The following ZNF837 variants were observed in gnomAD, a reference collection of about 807,000 sequenced individuals.
ZNF837 encodes the protein zinc finger protein 837.
For synonymous variants in ZNF837, 475 were observed against 365.2 expected (o/e 1.30, Z -3.43); for missense variants, 955 against 801.7 (o/e 1.19, Z -2.31).
intron 1 of ZNF837, among the ~76,000 whole-genome samples, chr19:58,379,939 G>C (rs1445459273): frequency 6.6e-6 from 1 of 152,134 alleles, no homozygotes; most frequent in African/African-American, 2.4e-5. Flanking sequence ...AGGTTGCAGT[G>C]AGCCGAGATC....
chr19:58,377,660 T>C (rs2052260407), intron 1 of ZNF837, among the ~76,000 whole-genome samples: 1 of 152,016 alleles, frequency 6.6e-6, no homozygotes, highest in Non-Finnish European at 1.5e-5. Context: ...CAAAGAAAAC[T>C]CTTCATTAGA....
Position 58,369,246 on chromosome 19 carries a change from G to T in ZNF837, c.87C>A (p.Pro29=). Residue 29 remains proline, a synonymous_variant, in exon 3 of 3, where the codon CCC becomes CCA. Transcript: ENST00000597582. The part of the protein sequence containing the change: ...QGASGAREKR[P]EEPRPLEEDR... ...CCTCTTCGAGGGGCCTCGGCTCCTCGGGCCTCTTCTCCCGGGCCCCGGAGG... is the reference window on the plus strand; with the variant it reads ...CCTCTTCGAGGGGCCTCGGCTCCTCTGGCCTCTTCTCCCGGGCCCCGGAGG... 3 of 1,418,954 alleles carry T rather than the reference G, an allele frequency of 2.1e-6. No individual in the cohort carries two copies. Among genetic ancestry groups the T allele is most frequent in the East Asian group, 5.6e-5 (2 of 35,848 alleles). 87.9% of individuals were successfully genotyped at this position (1,418,954 alleles called of 1,614,324 possible).
intron 1 of ZNF837, among the ~76,000 whole-genome samples, chr19:58,373,765 G>C (rs1276891304): frequency 6.6e-6 from 1 of 152,238 alleles, no homozygotes; most frequent in Non-Finnish European, 1.5e-5. Context: ...ACAGACACCA[G>C]AGTAGAGGGA....
intron 1 of ZNF837, among the ~76,000 whole-genome samples, chr19:58,377,637 C>CA (rs369592311): frequency 2.6e-5 from 4 of 152,040 alleles, no homozygotes; most frequent in African/African-American, 9.7e-5. Context: ...GACCACATCT[C>CA]AAAAAAAGAA....
intron 1 of ZNF837, among the ~76,000 whole-genome samples, chr19:58,371,207 C>G (rs1436529334): frequency 6.7e-6 from 1 of 148,896 alleles, no homozygotes; most frequent in South Asian, 2.1e-4. Context: ...CGCCACTGCA[C>G]TCCAGCCTGG....
intron 1 of ZNF837, among the ~76,000 whole-genome samples, chr19:58,377,338 C>A (rs2122135303): frequency 6.6e-6 from 1 of 151,954 alleles, no homozygotes; most frequent in East Asian, 1.9e-4. Flanking sequence ...AATCCCGTCT[C>A]TACTAAAAAA....
rs145214890 is a variant in ZNF837 at position 58,368,154 on chromosome 19, G to A, written c.1179C>T (p.Cys393=). 657 of 1,588,934 alleles carry A rather than the reference G, an allele frequency of 4.1e-4. 1 individual carries two copies. In the African/African-American group the frequency reaches 7.8e-3, roughly 19 times the overall value. ...GGTTGAAGGCCTTGCCGCACTCGGG[G>A]CACGCGTAGGGCTTCTCGCCGGTGT... ...RVHTGEKPYA[C]PECGKAFNQR... is the part of the protein sequence containing the mutation. The change falls in exon 3 of 3, where the codon TGC becomes TGT. Residue 393 remains cysteine (C), a synonymous_variant. Coordinates refer to ENST00000597582, the MANE Select transcript of ZNF837 (RefSeq NM_138466.2).
In ZNF837 at chr19:58,367,746, G is replaced by C. The variant is rs770774661; in HGVS notation, c.1587C>G (p.Ala529=). 96 of 1,522,104 alleles carry C rather than the reference G, an allele frequency of 6.3e-5. No individual in the cohort carries two copies. The East Asian group carries it at 2.2e-3, about 35-fold the overall frequency. The allele number at this position is 1,522,104 out of a possible 1,614,324, so 94.3% of individuals were successfully genotyped here. The change falls in exon 3 of 3, where the codon GCC becomes GCG. Residue 529 remains alanine, a synonymous_variant. Transcript: ENST00000597582. The stretch of plus-strand genomic sequence containing the variant: ...TCTCGGCTCCCTGCAGTCAAGGCGC[G>C]GCGCGGCCCCCGTGCCGCTTCCGGT... ...NEHRKRHGGR[A]AP is the part of the protein sequence containing the mutation.
chr19:58,371,038 G>A (rs1431662573), intron 1 of ZNF837, among the ~76,000 whole-genome samples: 1 of 151,934 alleles, frequency 6.6e-6, no homozygotes, highest in Non-Finnish European at 1.5e-5. Context: ...TCAGGAGATC[G>A]ATACCATCCT....
chr19:58,377,831 G>C (rs1260167507), intron 1 of ZNF837, among the ~76,000 whole-genome samples: 1 of 152,192 alleles, frequency 6.6e-6, no homozygotes, highest in African/African-American at 2.4e-5. Context: ...TGGTCTGTCT[G>C]ACCATGGAGC....
intron 1 of ZNF837, among the ~76,000 whole-genome samples, chr19:58,373,856 C>T (rs112544239): frequency 3.3e-5 from 5 of 152,206 alleles, no homozygotes; most frequent in Admixed American, 6.5e-5. Flanking sequence ...ATGTGGAGTA[C>T]GGACTCACTG....
At chr19:58,370,148 C>A (rs896620705) in intron 1 of ZNF837, among the ~76,000 whole-genome samples, 1 of 152,230 alleles carries the variant, frequency 6.6e-6, no homozygotes, top group African/African-American at 2.4e-5. Context: ...TCTCAGAGTT[C>A]TGGAGGTCGT....
At chr19:58,375,270 G>GTGTA (rs2052232989) in intron 1 of ZNF837, among the ~76,000 whole-genome samples, 1 of 34,856 alleles carries the variant, frequency 2.9e-5, no homozygotes, top group Admixed American at 2.3e-4. Context: ...AAAAAAAAAA[G>GTGTA]TATATATATA....
At chr19:58,380,377 G>C (rs1391784813) in intron 1 of ZNF837, among the ~76,000 whole-genome samples, 1 of 152,216 alleles carries the variant, frequency 6.6e-6, no homozygotes, top group Non-Finnish European at 1.5e-5. Flanking sequence ...TGCTCTAATA[G>C]TGAGTGAAGG....
At chr19:58,380,198 A>G (rs938692751) in intron 1 of ZNF837, among the ~76,000 whole-genome samples, 8 of 152,136 alleles carry the variant, frequency 5.3e-5, no homozygotes, top group African/African-American at 9.7e-5. Context: ...TGTGCACGCA[A>G]TGGGAAGAAC....
At chr19:58,369,630 C>T in intron 2 of ZNF837, 189 bp downstream of exon 2, 1 of 296,348 alleles carries the variant, frequency 3.4e-6, no homozygotes, top group Non-Finnish European at 6.2e-6. Context: ...CACTGTGCCC[C>T]TGGCTAAGGC....
intron 1 of ZNF837, among the ~76,000 whole-genome samples, chr19:58,371,272 G>A (rs1166088291): frequency 1.3e-5 from 2 of 149,672 alleles, no homozygotes; most frequent in Non-Finnish European, 3.0e-5. Context: ...GCCGGGCATG[G>A]TGATGCATGC....
chr19:58,368,364 G>A lies in ZNF837; in HGVS notation c.969C>T (p.Ala323=). The change falls in exon 3 of 3, where the codon GCC becomes GCT. Residue 323 remains alanine, a synonymous_variant. Transcript: ENST00000597582. Reference sequence around the variant, plus strand: ...GGACGGGGCCACGCCGGTGGCGCTCGGCCGAGTGCGTCTTCTGGTGGCGGT... The same window carrying A: ...GGACGGGGCCACGCCGGTGGCGCTCAGCCGAGTGCGTCTTCTGGTGGCGGT... The part of the protein sequence containing the change: ...GLYRHQKTHS[A]ERHRRGPVLA... 1 of 1,531,576 alleles carries A rather than the reference G, an allele frequency of 6.5e-7. No homozygotes were observed. The highest frequency in any genetic ancestry group is 8.7e-7 in the Non-Finnish European group (1 of 1,143,588). The allele number at this position is 1,531,576 out of a possible 1,614,324, so 94.9% of individuals were successfully genotyped here. A position where few individuals can be genotyped will look rare whatever the true frequency, so the allele number is the denominator to read the frequency against.
At chr19:58,379,708 G>A (rs1277884706) in intron 1 of ZNF837, among the ~76,000 whole-genome samples, 2 of 152,228 alleles carry the variant, frequency 1.3e-5, no homozygotes, top group African/African-American at 4.8e-5. Flanking sequence ...GGGACTGAGA[G>A]GTTAACGTGG....
Sources: allele counts gnomAD v4.1 joint callset (sites outside exome capture counted in the v4.1 genomes callset), GRCh38; gene constraint gnomAD v4.1.1; transcripts MANE v1.5; gene names NCBI Gene and HGNC (gene_info 2026-07-23, HGNC 2026-07-21).